Variants in ELL observed in about 807,000 individuals in gnomAD.
ELL encodes RNA polymerase II elongation factor ELL.
Under a neutral mutation model 64.0 loss-of-function variants are expected in ELL, and 18 were observed. That is an observed-to-expected ratio of 0.28 (90% CI 0.19 to 0.42). The LOEUF (loss-of-function observed/expected upper bound fraction) is 0.42, where lower values mean the gene tolerates loss of function less well. ELL is among the 10% of genes least tolerant of loss of function. ELL has a pLI of 1.00. For missense variants in ELL, 797 were observed against 870.4 expected, an observed-to-expected ratio of 0.92 and a Z score of 1.06; for synonymous variants, 399 against 376.2, an observed-to-expected ratio of 1.06 and a Z score of -0.70.
intron 1 of ELL, among the ~76,000 whole-genome samples, chr19:18,500,797 C>T (rs771270769): frequency 6.6e-6 from 1 of 152,200 alleles, no homozygotes; most frequent in Non-Finnish European, 1.5e-5. Flanking sequence ...CTCAAAAACA[C>T]TGCTTTAGCT....
chr19:18,467,953 C>G (rs1157486820), intron 2 of ELL, among the ~76,000 whole-genome samples: 2 of 145,010 alleles, frequency 1.4e-5, no homozygotes. Flanking sequence ...ACACATAGCG[C>G]CACACATACA....
In ELL at chr19:18,506,247, T is replaced by G. The variant is rs1428947753; in HGVS notation, c.135+15674A>C. 3.3e-5 allele frequency among the ~76,000 whole-genome samples: 5 copies of G among 152,208 alleles called. No homozygotes were observed. The East Asian group carries it at 9.6e-4, about 29-fold the overall frequency. On this transcript the variant is annotated intron_variant, in intron 1 of 11. Coordinates refer to ENST00000262809, the MANE Select transcript of ELL (RefSeq NM_006532.4). ...AGCCCTGCTGGCACCGCCCCAGGCCTGGGCCCTGTCTCCCGCACCCTCCAG... is the reference window on the plus strand; with the variant it reads ...AGCCCTGCTGGCACCGCCCCAGGCCGGGGCCCTGTCTCCCGCACCCTCCAG...
intron 1 of ELL, among the ~76,000 whole-genome samples, chr19:18,475,037 T>C (rs1975148007): frequency 6.6e-6 from 1 of 152,110 alleles, no homozygotes; most frequent in African/African-American, 2.4e-5. Flanking sequence ...GGCAGGAGAA[T>C]CACTTCAACC....
At chr19:18,456,785 G>A (rs1974687014) in intron 6 of ELL, among the ~76,000 whole-genome samples, 1 of 152,144 alleles carries the variant, frequency 6.6e-6, no homozygotes, top group Non-Finnish European at 1.5e-5. Flanking sequence ...GGAGGCTCCT[G>A]CAGTGACTTG....
intron 4 of ELL, among the ~76,000 whole-genome samples, chr19:18,462,176 G>A (rs1974830936): frequency 6.9e-6 from 1 of 144,004 alleles, no homozygotes. Context: ...CACTCTGGTG[G>A]GCAGTGTGTG....
In ELL at chr19:18,509,584, C is replaced by T. The variant is rs922379917; in HGVS notation, c.135+12337G>A. 2.6e-4 allele frequency among the ~76,000 whole-genome samples: 31 copies of T among 117,340 alleles called. 1 individual carries two copies. The highest frequency in any genetic ancestry group is 8.1e-4 in the Admixed American group (10 of 12,318). 77.0% of individuals were successfully genotyped at this position (117,340 alleles called of 152,430 possible). On this transcript the variant is annotated intron_variant, in intron 1 of 11. Transcript: ENST00000262809. ...ATGGAGACACAGGCCAATGCACGTG[C>T]GCGCGCGCGCACATACACACACACA...
At chr19:18,469,087 G>C (rs1171575506) in intron 2 of ELL, among the ~76,000 whole-genome samples, 3 of 152,180 alleles carry the variant, frequency 2.0e-5, no homozygotes, top group Non-Finnish European at 4.4e-5. Context: ...CTGTGGCGGG[G>C]AGTAGGGGCT....
At chr19:18,506,187 G>A (rs1975880826) in intron 1 of ELL, among the ~76,000 whole-genome samples, 1 of 152,226 alleles carries the variant, frequency 6.6e-6, no homozygotes, top group Non-Finnish European at 1.5e-5. Flanking sequence ...CTGAAGCCTG[G>A]CTTGGAACCA....
At chr19:18,448,639 A>C (rs989961604) in intron 8 of ELL, 1 of 152,264 alleles carries the variant, frequency 6.6e-6, no homozygotes, top group Non-Finnish European at 1.5e-5. Context: ...GATAACTGCC[A>C]TGTGTCAGGC....
At chr19:18,513,846 G>A (rs983694035) in intron 1 of ELL, among the ~76,000 whole-genome samples, 3 of 152,130 alleles carry the variant, frequency 2.0e-5, no homozygotes, top group African/African-American at 7.2e-5. Context: ...CAGGAGAATG[G>A]CATGAACCTG....
intron 1 of ELL, among the ~76,000 whole-genome samples, chr19:18,486,430 CAGA>C (rs1227710929): frequency 2.0e-5 from 3 of 152,156 alleles, no homozygotes; most frequent in Admixed American, 6.5e-5. Context: ...TGACCCAGGT[CAGA>C]AGGAGATGGC....
intron 2 of ELL, among the ~76,000 whole-genome samples, chr19:18,469,738 T>C (rs1244091629): frequency 2.0e-5 from 3 of 152,236 alleles, no homozygotes; most frequent in Admixed American, 1.3e-4. Context: ...CGCTCTGCCC[T>C]TCCCGCTGAC....
At chr19:18,508,086 G>A (rs1260501941) in intron 1 of ELL, among the ~76,000 whole-genome samples, 2 of 152,208 alleles carry the variant, frequency 1.3e-5, no homozygotes, top group Admixed American at 6.5e-5. Context: ...CAGTCCCTGA[G>A]AAAAACTCCC....
At chr19:18,511,140 G>A (rs1218023657) in intron 1 of ELL, among the ~76,000 whole-genome samples, 3 of 152,058 alleles carry the variant, frequency 2.0e-5, no homozygotes, top group Non-Finnish European at 2.9e-5. Context: ...GGTGGTGGGC[G>A]CCTGTAGTCC....
At chr19:18,482,336 T>TTTTA (rs781472836) in intron 1 of ELL, among the ~76,000 whole-genome samples, 4 of 127,924 alleles carry the variant, frequency 3.1e-5, no homozygotes, top group Admixed American at 7.7e-5. Context: ...TTTTTTTTTT[T>TTTTA]AAACAGGGTC....
intron 1 of ELL, among the ~76,000 whole-genome samples, chr19:18,477,596 C>G (rs1975204839): frequency 6.6e-6 from 1 of 152,136 alleles, no homozygotes; most frequent in Non-Finnish European, 1.5e-5. Flanking sequence ...AGGAGCCAGC[C>G]CCGACACTGG....
At chr19:18,459,339 C>T (rs1416397171) in intron 5 of ELL, among the ~76,000 whole-genome samples, 2 of 152,194 alleles carry the variant, frequency 1.3e-5, no homozygotes, top group Admixed American at 1.3e-4. Flanking sequence ...AGACTGCTAA[C>T]AAAGATGGAT....
intron 1 of ELL, among the ~76,000 whole-genome samples, chr19:18,494,090 A>T (rs1169011167): frequency 6.6e-6 from 1 of 152,102 alleles, no homozygotes; most frequent in African/African-American, 2.4e-5. Context: ...CACTGCCCAG[A>T]GTGAATCGCC....
At position 18,446,447 on chromosome 19, in the gene ELL, G is replaced by A. The variant is rs200844546; in HGVS notation, c.1566C>T (p.Arg522=). Residue 522 remains arginine (R), a synonymous_variant, in exon 10 of 12, where the codon CGC becomes CGT. Transcript: ENST00000262809. The part of the protein sequence containing the change: ...KYAAISSSEQ[R]QSYKNDFNAE... ...CATTGAAGTCGTTCTTGTAGCTCTG[G>A]CGCTGCTCCGAAGAGGAGATGGCTG... 1.2e-3 allele frequency: 1,958 copies of A among 1,612,860 alleles called. 21 individuals carry two copies. Among genetic ancestry groups the A allele is most frequent in the Non-Finnish European group, 1.7e-4 (203 of 1,179,944 alleles).
Sources: allele counts gnomAD v4.1 joint callset (sites outside exome capture counted in the v4.1 genomes callset), GRCh38; gene constraint gnomAD v4.1.1; transcripts MANE v1.5; gene names NCBI Gene and HGNC (gene_info 2026-07-23, HGNC 2026-07-21).